The following DARS1 variants were observed in gnomAD, a reference collection of about 807,000 sequenced individuals.
DARS1 encodes aspartate--tRNA ligase, cytoplasmic.
In DARS1, 51 loss-of-function variants were observed where a neutral mutation model predicts 68.8. That is an observed-to-expected ratio of 0.74 (90% CI 0.59 to 0.94). DARS1 has a LOEUF of 0.94. DARS1 is among the 40% of genes least tolerant of loss of function. DARS1 has a pLI of 0.00. For synonymous variants in DARS1, 203 were observed against 190.4 expected, an observed-to-expected ratio of 1.07 and a Z score of -0.55; for missense variants, 607 against 597.3, an observed-to-expected ratio of 1.02 and a Z score of -0.17.
At chr2:135,920,981 T>C (rs757165259) in intron 9 of DARS1, among the ~76,000 whole-genome samples, 1 of 151,602 alleles carries the variant, frequency 6.6e-6, no homozygotes, top group Non-Finnish European at 1.5e-5. Context: ...TAAAGTAACA[T>C]ACGTATTCCA....
At chr2:135,934,232 T>C (rs888896616) in intron 5 of DARS1, among the ~76,000 whole-genome samples, 1 of 152,186 alleles carries the variant, frequency 6.6e-6, no homozygotes, top group Non-Finnish European at 1.5e-5. Context: ...TAAGGTAACA[T>C]ATATAAAAAT....
chr2:135,922,720 T>A lies in DARS1; in HGVS notation c.811+64A>T, dbSNP rs1397452017. The A allele has an allele frequency of 2.1e-6, 3 of 1,447,942 alleles. No homozygotes were observed. The African/African-American group carries it at 4.4e-5, about 21-fold the overall frequency. 89.7% of individuals were successfully genotyped at this position (1,447,942 alleles called of 1,614,324 possible). On this transcript the variant is annotated intron_variant, in intron 9 of 15. Coordinates refer to ENST00000264161, the MANE Select transcript of DARS1 (RefSeq NM_001349.4). ...TCTGTACATTATATAAGTAAAATGT[T>A]TCTAAAATTATAACTGCTGTATAAT...
Position 135,932,816 on chromosome 2 carries a change from A to G in DARS1, c.531T>C (p.Asp177=). ...CAATGACTCTGTTGTCTAATCTTGT[A>G]TCCTGGTTAACAGTAGCTCTTCCTT... is the stretch of plus-strand genomic sequence containing the variant. ...EEEGRATVNQ[D]TRLDNRVIDL... Residue 177 remains aspartate (D), a synonymous_variant, in exon 7 of 16, where the codon GAT becomes GAC. Coordinates refer to ENST00000264161, the MANE Select transcript of DARS1 (RefSeq NM_001349.4). 7.5e-7 allele frequency: 1 copy of G among 1,327,132 alleles called. No individual in the cohort carries two copies. The highest frequency in any genetic ancestry group is 1.2e-5 in the South Asian group (1 of 81,150). The allele number at this position is 1,327,132 out of a possible 1,614,324, so 82.2% of individuals were successfully genotyped here. A position where few individuals can be genotyped will look rare whatever the true frequency, so the allele number is the denominator to read the frequency against.
intron 3 of DARS1, among the ~76,000 whole-genome samples, chr2:135,976,848 A>G (rs1234854332): frequency 6.6e-6 from 1 of 151,818 alleles, no homozygotes; most frequent in Non-Finnish European, 1.5e-5. Flanking sequence ...TGGATAAGGG[A>G]TACTCAACCT....
At chr2:135,962,364 AT>A (rs1453969677) in intron 3 of DARS1, among the ~76,000 whole-genome samples, 1 of 152,224 alleles carries the variant, frequency 6.6e-6, no homozygotes, top group East Asian at 1.9e-4. Flanking sequence ...TTACTTCTTC[AT>A]AAAAAATGGG....
intron 8 of DARS1, 30 bp from the exon 9 acceptor site, chr2:135,922,948 T>C (rs1681136672): frequency 4.1e-6 from 6 of 1,467,452 alleles, no homozygotes; most frequent in Non-Finnish European, 5.4e-6. Context: ...ATTTATATTA[T>C]TATAATCAAT....
At chr2:135,960,878 G>T (rs1405860826) in intron 4 of DARS1, among the ~76,000 whole-genome samples, 4 of 152,178 alleles carry the variant, frequency 2.6e-5, no homozygotes, top group African/African-American at 9.7e-5. Context: ...GGAGGAAAAA[G>T]CAAGTTTTAC....
intron 5 of DARS1, among the ~76,000 whole-genome samples, chr2:135,936,025 G>A (rs942104968): frequency 3.3e-5 from 5 of 152,168 alleles, no homozygotes; most frequent in Non-Finnish European, 4.4e-5. Context: ...GAGAGCTGAA[G>A]AGCTGCTACT....
At chr2:135,951,901 T>C (rs977864722) in intron 4 of DARS1, among the ~76,000 whole-genome samples, 2 of 152,236 alleles carry the variant, frequency 1.3e-5, no homozygotes, top group Non-Finnish European at 2.9e-5. Context: ...GTAGTATTTA[T>C]GTATTTCTTA....
At chr2:135,934,887 C>T (rs183493385) in intron 5 of DARS1, among the ~76,000 whole-genome samples, 3 of 150,938 alleles carry the variant, frequency 2.0e-5, no homozygotes, top group East Asian at 4.1e-4. Flanking sequence ...CTCTGTCTCC[C>T]GGGTTCAAGC....
At chr2:135,953,102 G>A (rs1198004813) in intron 4 of DARS1, among the ~76,000 whole-genome samples, 1 of 152,112 alleles carries the variant, frequency 6.6e-6, no homozygotes, top group Non-Finnish European at 1.5e-5. Context: ...TTTTGCATAG[G>A]ACGGTTAGTT....
rs980929653 is a variant in DARS1, at chr2:135,907,209, T to TA, written c.*106dup. ...AGTACCTAAAGTACAGCCTGTGCAC[T>TA]AGCAGGTTACTGAAAAGAATAAGTG... On this transcript the variant is annotated 3_prime_UTR_variant, in exon 16 of 16. Transcript: ENST00000264161. 23 of 664,090 alleles carry TA rather than the reference T, an allele frequency of 3.5e-5. No homozygotes were observed. The Admixed American group carries it at 6.0e-4, about 17-fold the overall frequency. 41.1% of individuals were successfully genotyped at this position (664,090 alleles called of 1,614,324 possible). A position where few individuals can be genotyped will look rare whatever the true frequency, so the allele number is the denominator to read the frequency against.
rs542635994 is a variant in DARS1, at chr2:135,939,668, T to C, written c.423+3710A>G. Among the ~76,000 whole-genome samples, 7 of 152,118 alleles carry C rather than the reference T, an allele frequency of 4.6e-5. No homozygotes were observed. In the East Asian group the frequency reaches 9.7e-4, roughly 21 times the overall value. On this transcript the variant is annotated intron_variant, in intron 5 of 15. Coordinates refer to ENST00000264161, the MANE Select transcript of DARS1 (RefSeq NM_001349.4). ...AAGAATAACTAAGATCAGAGCAGAA[T>C]TGAAGGAGACAGAGACACAAAAACC...
intron 3 of DARS1, among the ~76,000 whole-genome samples, chr2:135,969,862 C>G (rs1325996482): frequency 2.0e-5 from 3 of 152,136 alleles, no homozygotes; most frequent in African/African-American, 7.2e-5. Context: ...TTTTTGCCAA[C>G]TGATTAATAC....
chr2:135,932,900 C>CA, intron 6 of DARS1, 58 bp from the exon 7 acceptor site: 1 of 802,776 alleles, frequency 1.2e-6, no homozygotes, highest in Non-Finnish European at 2.0e-6. Flanking sequence ...TTGAAGAGCA[C>CA]AAAAAATACT....
intron 3 of DARS1, among the ~76,000 whole-genome samples, chr2:135,965,094 T>C (rs776145754): frequency 2.0e-5 from 3 of 152,006 alleles, no homozygotes; most frequent in Non-Finnish European, 4.4e-5. Context: ...TAATAGACCG[T>C]ATTAGATAAA....
chr2:135,909,584 C>T (rs546043177), intron 15 of DARS1, among the ~76,000 whole-genome samples: 2 of 152,204 alleles, frequency 1.3e-5, no homozygotes, highest in East Asian at 3.9e-4. Context: ...ACCCTTTGAC[C>T]ATCTTCTCCC....
chr2:135,950,463 T>A (rs1681817715), intron 4 of DARS1, among the ~76,000 whole-genome samples: 1 of 152,258 alleles, frequency 6.6e-6, no homozygotes, highest in Non-Finnish European at 1.5e-5. Flanking sequence ...TAACTAAATA[T>A]TCTTCTGAAT....
At chr2:135,946,495 C>T (rs1223784902) in intron 4 of DARS1, among the ~76,000 whole-genome samples, 2 of 152,002 alleles carry the variant, frequency 1.3e-5, no homozygotes, top group Non-Finnish European at 2.9e-5. Context: ...AAGAAAAAAG[C>T]AGGGAAGAAA....
Sources: gnomAD v4.1 joint callset for allele counts (sites outside exome capture counted in the v4.1 genomes callset) on GRCh38, gnomAD v4.1.1 for gene constraint, MANE v1.5 for transcripts, NCBI Gene and HGNC (gene_info 2026-07-23, HGNC 2026-07-21) for gene names.